ARID4B: variants seen among roughly 807,000 people sequenced by gnomAD.
ARID4B encodes the protein AT-rich interactive domain-containing protein 4B.
ARID4B carries 26 observed loss-of-function variants against 147.5 expected under a neutral mutation model. The observed-to-expected ratio is 0.18, with a 90% CI of 0.13 to 0.24. The LOEUF is 0.24. ARID4B is among the 10% of genes least tolerant of loss of function. The pLI is 1.00. For synonymous variants in ARID4B, 512 were observed against 507.9 expected, an observed-to-expected ratio of 1.01 and a Z score of -0.11; for missense variants, 1,179 against 1,511.5, an observed-to-expected ratio of 0.78 and a Z score of 3.65.
chr1:235,252,433 T>C (rs552670446), intron 6 of ARID4B, among the ~76,000 whole-genome samples: 2 of 152,294 alleles, frequency 1.3e-5, no homozygotes, highest in South Asian at 2.1e-4. Flanking sequence ...AGAAATCTGT[T>C]TTCTAGTTAT....
intron 17 of ARID4B, among the ~76,000 whole-genome samples, chr1:235,206,644 A>G (rs1666323519): frequency 1.3e-5 from 2 of 152,208 alleles, no homozygotes; most frequent in African/African-American, 4.8e-5. Flanking sequence ...CTGGAGCCCA[A>G]GCAAAGCATA....
chr1:235,303,215 A>AC (rs1673311498), intron 2 of ARID4B, among the ~76,000 whole-genome samples: 1 of 151,940 alleles, frequency 6.6e-6, no homozygotes. Flanking sequence ...GAGCCACCAC[A>AC]CCCGGCCAGA....
At chr1:235,325,169 T>C (rs1000755184) in intron 2 of ARID4B, among the ~76,000 whole-genome samples, 9 of 152,166 alleles carry the variant, frequency 5.9e-5, no homozygotes, top group Non-Finnish European at 1.0e-4. Flanking sequence ...TTGTATGAAG[T>C]TAGAAATTTA....
chr1:235,237,074 T>C (rs1398106905), intron 8 of ARID4B, among the ~76,000 whole-genome samples: 1 of 149,144 alleles, frequency 6.7e-6, no homozygotes, highest in East Asian at 2.0e-4. Context: ...GGTTTCACTA[T>C]GTTGGCCAGG....
intron 2 of ARID4B, among the ~76,000 whole-genome samples, chr1:235,289,515 G>A (rs1672190252): frequency 6.6e-6 from 1 of 151,996 alleles, no homozygotes; most frequent in Non-Finnish European, 1.5e-5. Context: ...CTTGAGCCCA[G>A]GAGTTCGAGA....
intron 2 of ARID4B, among the ~76,000 whole-genome samples, chr1:235,309,253 G>A (rs948059895): frequency 1.6e-5 from 2 of 126,116 alleles, no homozygotes; most frequent in African/African-American, 5.9e-5. Context: ...CGCCCCATCT[G>A]AGAAGTGAGG....
At chr1:235,185,211 G>C (rs535470628) in intron 19 of ARID4B, among the ~76,000 whole-genome samples, 4 of 152,072 alleles carry the variant, frequency 2.6e-5, no homozygotes, top group African/African-American at 9.7e-5. Flanking sequence ...TCTATATATA[G>C]TTATCTTTCA....
intron 10 of ARID4B, among the ~76,000 whole-genome samples, chr1:235,229,699 T>C (rs1438367833): frequency 6.6e-6 from 1 of 152,234 alleles, no homozygotes; most frequent in African/African-American, 2.4e-5. Context: ...TAAAAACCTT[T>C]AATACAGGAA....
At chr1:235,196,853 CAA>C (rs34581094) in intron 17 of ARID4B, among the ~76,000 whole-genome samples, 9 of 88,554 alleles carry the variant, frequency 1.0e-4, no homozygotes, top group Admixed American at 1.4e-4. Flanking sequence ...CTCTGTTTCA[CAA>C]AAAAAAAAAA....
chr1:235,182,399 G>A lies in ARID4B; in HGVS notation c.2520C>T (p.Gly840=), dbSNP rs780154577. Reference sequence around the variant, plus strand: ...TGTTCTTGGCCTTCTCTTCCTTTTTGCCAGGTGATCCAGTTTTTAGACACT... The same window carrying A: ...TGTTCTTGGCCTTCTCTTCCTTTTTACCAGGTGATCCAGTTTTTAGACACT... ...TEECLKTGSP[G]KKEEKAKNKE... is the part of the protein sequence containing the mutation. The change falls in exon 20 of 24, where the codon GGC becomes GGT. Residue 840 remains glycine, a synonymous_variant. Transcript: ENST00000264183. The A allele has an allele frequency of 3.1e-6, 5 of 1,607,562 alleles. No homozygotes were observed. Among genetic ancestry groups the A allele is most frequent in the Non-Finnish European group, 4.2e-6 (5 of 1,178,516 alleles).
At chr1:235,244,828 AAGATCT>A (rs1347282895) in intron 7 of ARID4B, among the ~76,000 whole-genome samples, 1 of 152,196 alleles carries the variant, frequency 6.6e-6, no homozygotes, top group Non-Finnish European at 1.5e-5. Flanking sequence ...GAATGCCCTT[AAGATCT>A]AGGTTTAAGA....
At chr1:235,216,136 G>A (rs1667058783) in intron 16 of ARID4B, among the ~76,000 whole-genome samples, 1 of 151,938 alleles carries the variant, frequency 6.6e-6, no homozygotes, top group Admixed American at 6.6e-5. Flanking sequence ...GTAAGTCCGT[G>A]TTCACGAAAG....
intron 19 of ARID4B, among the ~76,000 whole-genome samples, chr1:235,190,506 A>G (rs1447720790): frequency 6.6e-6 from 1 of 152,084 alleles, no homozygotes; most frequent in African/African-American, 2.4e-5. Context: ...ATAAAGAATA[A>G]AACAAGTCAC....
Position 235,223,198 on chromosome 1 carries a change from T to C in ARID4B, c.1033A>G (p.Arg345Gly). ...YRNLNLFKLFRLVHKLGGFDN... is the reference protein window; with the variant it reads ...YRNLNLFKLFGLVHKLGGFDN... ...AATCCTCCAAGTTTGTGTACAAGTC[T>C]GAATAACTTAAAGAGATTCAAATTT... The change falls in exon 13 of 24, where the codon AGA (arginine) becomes GGA (glycine). Residue 345 changes from arginine (R) to glycine (G), a missense_variant. Arg to Gly is a moderately radical substitution (Grantham distance 125, BLOSUM62 -2). This residue lies in a region of ARID4B where 26 missense variants were observed against 77.9 expected (regional missense o/e 0.33). Transcript: ENST00000264183. 1 of 1,589,440 alleles carries C rather than the reference T, an allele frequency of 6.3e-7. No individual in the cohort carries two copies. The highest frequency in any genetic ancestry group is 8.6e-7 in the Non-Finnish European group (1 of 1,167,404).
At chr1:235,303,713 A>C (rs1673349485) in intron 2 of ARID4B, among the ~76,000 whole-genome samples, 1 of 152,230 alleles carries the variant, frequency 6.6e-6, no homozygotes, top group Non-Finnish European at 1.5e-5. Flanking sequence ...TGCAGAACAC[A>C]GCGAGACCCT....
chr1:235,305,508 G>T (rs1434077061), intron 2 of ARID4B, among the ~76,000 whole-genome samples: 1 of 152,140 alleles, frequency 6.6e-6, no homozygotes, highest in Admixed American at 6.6e-5. Flanking sequence ...ATTAGTAGGA[G>T]CTCTGGTTTG....
At chr1:235,290,157 G>T (rs1178611807) in intron 2 of ARID4B, among the ~76,000 whole-genome samples, 1 of 152,118 alleles carries the variant, frequency 6.6e-6, no homozygotes, top group African/African-American at 2.4e-5. Context: ...TTGCTGCTGA[G>T]AATGTAAATC....
chr1:235,173,981 A>G (rs1311851912), intron 22 of ARID4B, among the ~76,000 whole-genome samples: 1 of 150,432 alleles, frequency 6.6e-6, no homozygotes, highest in Non-Finnish European at 1.5e-5. Flanking sequence ...ACCCCTATCC[A>G]TTCCTCACCC....
At chr1:235,277,505 C>A (rs1298823381) in intron 2 of ARID4B, among the ~76,000 whole-genome samples, 6 of 149,422 alleles carry the variant, frequency 4.0e-5, no homozygotes, top group African/African-American at 9.9e-5. Context: ...CGCCACTGCA[C>A]TCCAGCCTGG....
Sources: gnomAD v4.1 joint callset for allele counts (sites outside exome capture counted in the v4.1 genomes callset) on GRCh38, gnomAD v4.1.1 for gene constraint, gnomAD v4.1.1 regional missense constraint, MANE v1.5 for transcripts, NCBI Gene and HGNC (gene_info 2026-07-23, HGNC 2026-07-21) for gene names.